CR1L: variants seen among roughly 807,000 people sequenced by gnomAD.
The protein encoded by CR1L is complement C3b/C4b receptor 1 like.
CR1L carries 59 observed loss-of-function variants against 62.3 expected under a neutral mutation model. That is an observed-to-expected ratio of 0.95 (90% CI 0.77 to 1.18). CR1L has a LOEUF of 1.18. Ranked by LOEUF, CR1L falls within the 50% of genes most tolerant of loss-of-function variation. CR1L has a pLI of 0.00. For missense variants in CR1L, 700 were observed against 702.8 expected, an observed-to-expected ratio of 1.00 and a Z score of 0.04; for synonymous variants, 279 against 248.7, an observed-to-expected ratio of 1.12 and a Z score of -1.15.
rs767043593 is a variant in CR1L at position 207,723,602 on chromosome 1, T to C, written c.1643-16T>C. On this transcript the variant is annotated splice_polypyrimidine_tract_variant and intron_variant, in intron 11 of 11. Transcript: ENST00000508064. ...ATGCCAGAGTGATGTTTTTGTGACTTTTGTCTTCCTTTTAGGTTCACATGA... is the reference window on the plus strand; with the variant it reads ...ATGCCAGAGTGATGTTTTTGTGACTCTTGTCTTCCTTTTAGGTTCACATGA... 54 of 1,584,538 alleles carry C rather than the reference T, an allele frequency of 3.4e-5. No individual in the cohort carries two copies. In the Middle Eastern group the frequency reaches 5.0e-4, roughly 15 times the overall value.
intron 11 of CR1L, among the ~76,000 whole-genome samples, chr1:207,722,638 CT>C (rs1230050718): frequency 1.3e-5 from 2 of 152,086 alleles, no homozygotes; most frequent in Non-Finnish European, 2.9e-5. Flanking sequence ...ATAAAGTACC[CT>C]TTTTTTAAAT....
At chr1:207,699,331 T>C (rs1664156938) in intron 8 of CR1L, 57 bp downstream of exon 8, 1 of 1,592,736 alleles carries the variant, frequency 6.3e-7, no homozygotes, top group African/African-American at 1.3e-5. Flanking sequence ...GTTCAGTATT[T>C]GACCCATGAC....
At chr1:207,655,688 T>G (rs953392634) in intron 1 of CR1L, among the ~76,000 whole-genome samples, 6 of 152,192 alleles carry the variant, frequency 3.9e-5, no homozygotes, top group African/African-American at 1.4e-4. Context: ...TCTGCCCCCG[T>G]GGGCCTCCCA....
At position 207,645,202 on chromosome 1, in the gene CR1L, C is replaced by T. The variant is rs200786262; in HGVS notation, c.-32C>T. 1.1e-4 allele frequency: 181 copies of T among 1,609,410 alleles called. No individual in the cohort carries two copies. In the African/African-American group the frequency reaches 2.2e-3, roughly 19 times the overall value. ...TGGCTTTCGGTTTCTCTGCTCACCTCCGGATAAATCACGGGGTCTCCCGCG... is the reference window on the plus strand; with the variant it reads ...TGGCTTTCGGTTTCTCTGCTCACCTTCGGATAAATCACGGGGTCTCCCGCG... On this transcript the variant is annotated 5_prime_UTR_variant, in exon 1 of 12. Coordinates refer to ENST00000508064, the MANE Select transcript of CR1L (RefSeq NM_175710.2).
intron 9 of CR1L, among the ~76,000 whole-genome samples, chr1:207,706,779 G>A (rs1307317796): frequency 1.3e-5 from 2 of 152,012 alleles, no homozygotes; most frequent in Admixed American, 6.6e-5. Context: ...CAATTAATAA[G>A]CAAATTTTTA....
At chr1:207,670,535 A>G (rs1663593506) in intron 1 of CR1L, among the ~76,000 whole-genome samples, 1 of 150,916 alleles carries the variant, frequency 6.6e-6, no homozygotes, top group Non-Finnish European at 1.5e-5. Flanking sequence ...ACTCACTGGC[A>G]ACATCTCACT....
At chr1:207,680,545 T>TTTTG (rs1663779975) in intron 3 of CR1L, among the ~76,000 whole-genome samples, 1 of 151,340 alleles carries the variant, frequency 6.6e-6, no homozygotes, top group South Asian at 2.1e-4. Context: ...AATAAAAAAA[T>TTTTG]TTTTTTTTTA....
chr1:207,681,432 A>T (rs1663794849), intron 3 of CR1L, among the ~76,000 whole-genome samples: 1 of 152,242 alleles, frequency 6.6e-6, no homozygotes, highest in Admixed American at 6.5e-5. Context: ...AATAAGTAGC[A>T]TGGATTTTGT....
intron 4 of CR1L, among the ~76,000 whole-genome samples, chr1:207,690,712 T>C (rs888929914): frequency 1.3e-5 from 2 of 152,236 alleles, no homozygotes; most frequent in African/African-American, 4.8e-5. Context: ...CCAGTTAAGA[T>C]GTCAATAGGA....
intron 5 of CR1L, among the ~76,000 whole-genome samples, chr1:207,695,653 T>A (rs988717399): frequency 1.3e-5 from 2 of 152,138 alleles, no homozygotes; most frequent in Admixed American, 6.5e-5. Flanking sequence ...AAGAACTACC[T>A]GAGACTGGGT....
In CR1L at chr1:207,709,832, C is replaced by CAAA. The variant is rs11452067; in HGVS notation, c.1414+1582_1414+1584dup. Among the ~76,000 whole-genome samples, 146 of 122,058 alleles carry CAAA rather than the reference C, an allele frequency of 1.2e-3. 2 individuals are homozygous for CAAA. Among genetic ancestry groups the CAAA allele is most frequent in the African/African-American group, 3.9e-3 (130 of 33,484 alleles). The allele number at this position is 122,058 out of a possible 152,430, so 80.1% of individuals were successfully genotyped here. The stretch of plus-strand genomic sequence containing the variant: ...AGCCTGGGCAACAGAGACTCTGTCT[C>CAAA]AAAAAAAAAAAAAAAGGAAAAAAAT... On this transcript the variant is annotated intron_variant, in intron 10 of 11. Coordinates refer to ENST00000508064, the MANE Select transcript of CR1L (RefSeq NM_175710.2).
chr1:207,708,467 AT>A (rs1011371276), intron 10 of CR1L, among the ~76,000 whole-genome samples: 1 of 152,222 alleles, frequency 6.6e-6, no homozygotes, highest in Non-Finnish European at 1.5e-5. Flanking sequence ...TTAAGGTGTA[AT>A]TTATTTTAAA....
At chr1:207,702,633 G>T (rs1664211391) in intron 9 of CR1L, among the ~76,000 whole-genome samples, 2 of 152,230 alleles carry the variant, frequency 1.3e-5, no homozygotes, top group South Asian at 4.1e-4. Flanking sequence ...TGATAAGAAG[G>T]TGAAACAGCC....
rs770622169 is a variant in CR1L, at chr1:207,697,483, C to T, written c.863-20C>T. 1.2e-6 allele frequency: 2 copies of T among 1,613,684 alleles called. No homozygotes were observed. Among genetic ancestry groups the T allele is most frequent in the Admixed American group, 1.7e-5 (1 of 60,014 alleles). On this transcript the variant is annotated intron_variant, in intron 5 of 11. Transcript: ENST00000508064. The stretch of plus-strand genomic sequence containing the variant: ...AGTTATTTTCACACAATTAGCAGTA[C>T]TTTGTTTCTCTCTCCCCAGTATGTC...
At chr1:207,653,887 T>A (rs536553662) in intron 1 of CR1L, among the ~76,000 whole-genome samples, 5 of 152,314 alleles carry the variant, frequency 3.3e-5, no homozygotes, top group Admixed American at 6.5e-5. Flanking sequence ...TTCAAGGGCA[T>A]GGCAGTAGTA....
At chr1:207,687,443 A>G (rs1663929730) in intron 4 of CR1L, among the ~76,000 whole-genome samples, 1 of 152,194 alleles carries the variant, frequency 6.6e-6, no homozygotes, top group Non-Finnish European at 1.5e-5. Context: ...AAATGCACCC[A>G]TGTAAGTGGC....
At chr1:207,689,011 TC>T (rs1233555119) in intron 4 of CR1L, among the ~76,000 whole-genome samples, 2 of 152,188 alleles carry the variant, frequency 1.3e-5, no homozygotes, top group Non-Finnish European at 2.9e-5. Flanking sequence ...TTTGTTTATT[TC>T]ATCTGCTTTA....
At chr1:207,651,233 A>G (rs902626628) in intron 1 of CR1L, among the ~76,000 whole-genome samples, 2 of 152,142 alleles carry the variant, frequency 1.3e-5, no homozygotes, top group Non-Finnish European at 2.9e-5. Flanking sequence ...AGAAAAAATA[A>G]GTCAAGATAC....
rs760183580 is a variant in CR1L at position 207,645,257 on chromosome 1, G to C, written c.24G>C (p.Glu8Asp). MAPPVRLERPFPSRRFPG... is the reference protein window; with the variant it reads MAPPVRLDRPFPSRRFPG... ...TCATGGCGCCTCCCGTCCGTCTCGA[G>C]CGTCCCTTTCCTTCCCGGCGCTTTC... is the stretch of plus-strand genomic sequence containing the variant. The change falls in exon 1 of 12, where the codon GAG becomes GAC. Residue 8 changes from glutamate (E) to aspartate (D), a missense_variant. Physicochemically the swap from Glu to Asp is conservative, Grantham distance 45. Coordinates refer to ENST00000508064, the MANE Select transcript of CR1L (RefSeq NM_175710.2). 1 of 1,613,566 alleles carries C rather than the reference G, an allele frequency of 6.2e-7. No homozygotes were observed. Among genetic ancestry groups the C allele is most frequent in the Non-Finnish European group, 8.5e-7 (1 of 1,180,012 alleles).
Sources: gnomAD v4.1 joint callset for allele counts (sites outside exome capture counted in the v4.1 genomes callset) on GRCh38, gnomAD v4.1.1 for gene constraint, MANE v1.5 for transcripts, NCBI Gene and HGNC (gene_info 2026-07-23, HGNC 2026-07-21) for gene names.